The following GLYR1 variants were observed in gnomAD, a reference collection of about 807,000 sequenced individuals.
The protein encoded by GLYR1 is cytokine-like nuclear factor N-PAC.
Under a neutral mutation model 72.7 loss-of-function variants are expected in GLYR1, and 21 were observed. The observed-to-expected ratio is 0.29, with a 90% CI of 0.20 to 0.42. The LOEUF (loss-of-function observed/expected upper bound fraction) is 0.42. Among genes scored for constraint, GLYR1 ranks in the 10% least tolerant of loss-of-function variants. The pLI is 1.00. For synonymous variants in GLYR1, 392 were observed against 270.2 expected, an observed-to-expected ratio of 1.45 and a Z score of -4.42; for missense variants, 594 against 712.1, an observed-to-expected ratio of 0.83 and a Z score of 1.89.
At chr16:4,838,173 C>T (rs1333998810) in intron 3 of GLYR1, among the ~76,000 whole-genome samples, 3 of 152,090 alleles carry the variant, frequency 2.0e-5, no homozygotes, top group Non-Finnish European at 4.4e-5. Context: ...AAAAAACACA[C>T]ACAAATCAGG....
chr16:4,836,019 G>A (rs1299306806), intron 3 of GLYR1, among the ~76,000 whole-genome samples: 1 of 151,902 alleles, frequency 6.6e-6, no homozygotes, highest in Non-Finnish European at 1.5e-5. Flanking sequence ...GGTTGGTCTC[G>A]AACTCCTGAA....
At chr16:4,834,253 G>GTCTCCC (rs2084979592) in intron 3 of GLYR1, among the ~76,000 whole-genome samples, 1 of 151,282 alleles carries the variant, frequency 6.6e-6, no homozygotes. Flanking sequence ...ACAGAAGCTG[G>GTCTCCC]TCTCCCTGGC....
intron 12 of GLYR1, 39 bp from the exon 13 acceptor site, chr16:4,812,287 T>C: frequency 6.3e-7 from 1 of 1,591,328 alleles, no homozygotes; most frequent in East Asian, 2.2e-5. Context: ...GCCTCCCCTC[T>C]CCCAGCGCTC....
At chr16:4,846,134 C>G (rs754497969) in intron 2 of GLYR1, 40 bp downstream of exon 2, 1 of 1,611,062 alleles carries the variant, frequency 6.2e-7, no homozygotes, top group Non-Finnish European at 8.5e-7. Context: ...CCTCTTCAAA[C>G]CCAACTTCAG....
Position 4,810,598 on chromosome 16 carries a change from T to A in GLYR1, c.1587+572A>T, listed in dbSNP as rs559588363. Among the ~76,000 whole-genome samples the A allele has an allele frequency of 2.0e-5, 3 of 146,352 alleles. No homozygotes were observed. The East Asian group carries it at 6.0e-4, about 29-fold the overall frequency. ...AAGAAACTTGGCCAGGTGTAGTGGC[T>A]CACACCTGTAATCCCAGCACTTTGG... On this transcript the variant is annotated intron_variant, in intron 15 of 15. Transcript: ENST00000321919.
chr16:4,806,408 G>C (rs2082975242), intron 15 of GLYR1, among the ~76,000 whole-genome samples: 2 of 151,742 alleles, frequency 1.3e-5, no homozygotes, highest in Non-Finnish European at 2.9e-5. Context: ...CCAGGCTGGA[G>C]TGCAGTGGTA....
chr16:4,805,953 T>C (rs1002000583), intron 15 of GLYR1, among the ~76,000 whole-genome samples: 4 of 151,996 alleles, frequency 2.6e-5, no homozygotes, highest in South Asian at 2.1e-4. Context: ...TGCACTCCAG[T>C]CTGGGTGACA....
intron 3 of GLYR1, among the ~76,000 whole-genome samples, chr16:4,838,307 C>T (rs938816873): frequency 6.6e-6 from 1 of 152,168 alleles, no homozygotes; most frequent in African/African-American, 2.4e-5. Context: ...GAGACCGGTC[C>T]ACCTTAGATG....
intron 11 of GLYR1, among the ~76,000 whole-genome samples, chr16:4,814,231 G>T (rs2083488778): frequency 6.6e-6 from 1 of 152,168 alleles, no homozygotes; most frequent in Non-Finnish European, 1.5e-5. Flanking sequence ...ATAGAAGCTT[G>T]GCACCTGGAC....
At chr16:4,839,914 G>T (rs1241595388) in intron 3 of GLYR1, 2 of 152,076 alleles carry the variant, frequency 1.3e-5, no homozygotes, top group African/African-American at 4.8e-5. Flanking sequence ...GTATTTCTCA[G>T]GAACGGAGGA....
chr16:4,846,579 C>G (rs1596448225), intron 1 of GLYR1: 1 of 284,692 alleles, frequency 3.5e-6, no homozygotes. Context: ...CTAATGGAAG[C>G]CTTCCTCTGG....
intron 3 of GLYR1, among the ~76,000 whole-genome samples, chr16:4,841,702 C>G (rs1199242801): frequency 2.0e-5 from 3 of 152,106 alleles, no homozygotes; most frequent in African/African-American, 7.2e-5. Flanking sequence ...CAATGGCTTT[C>G]AGGCTCCTTA....
chr16:4,813,258 C>T (rs987498776), intron 12 of GLYR1, among the ~76,000 whole-genome samples: 11 of 152,174 alleles, frequency 7.2e-5, no homozygotes, highest in East Asian at 1.9e-4. Context: ...CCACCGCGCC[C>T]GGACTGGAAT....
intron 3 of GLYR1, among the ~76,000 whole-genome samples, chr16:4,835,660 G>A (rs188502830): frequency 4.9e-4 from 75 of 152,206 alleles, no homozygotes; most frequent in African/African-American, 1.6e-3. Context: ...GTGAAATCTC[G>A]TCTCTACTGA....
intron 7 of GLYR1, among the ~76,000 whole-genome samples, chr16:4,822,304 C>T (rs1191326690): frequency 1.3e-5 from 2 of 151,762 alleles, no homozygotes; most frequent in Non-Finnish European, 2.9e-5. Flanking sequence ...CCAGGCTGGT[C>T]TTGAACTCCT....
chr16:4,846,748 G>T, intron 1 of GLYR1: 1 of 222,862 alleles, frequency 4.5e-6, no homozygotes. Flanking sequence ...CCGTTTCTTC[G>T]CGGGGCAACG....
intron 10 of GLYR1, among the ~76,000 whole-genome samples, chr16:4,817,325 T>G (rs2083707673): frequency 6.6e-6 from 1 of 151,956 alleles, no homozygotes; most frequent in Non-Finnish European, 1.5e-5. Context: ...TTCACCGTGT[T>G]AGCCAGGATG....
intron 15 of GLYR1, among the ~76,000 whole-genome samples, chr16:4,809,881 G>A (rs1358668296): frequency 6.6e-6 from 1 of 151,768 alleles, no homozygotes; most frequent in East Asian, 1.9e-4. Flanking sequence ...CCGAGATCGC[G>A]ACACTGCACT....
rs534568859 is a variant in GLYR1, at chr16:4,805,101, C to G, written c.*135G>C. 1 of 737,584 alleles carries G rather than the reference C, an allele frequency of 1.4e-6. No homozygotes were observed. The highest frequency in any genetic ancestry group is 1.7e-5 in the African/African-American group (1 of 58,192). 45.7% of individuals were successfully genotyped at this position (737,584 alleles called of 1,614,324 possible). ...GTGCTGCTGTGTGCTGTGCTGATGG[C>G]AAGTCTCAAAGTCTGTATAAAAGGA... is the stretch of plus-strand genomic sequence containing the variant. On this transcript the variant is annotated 3_prime_UTR_variant, in exon 16 of 16. Transcript: ENST00000321919.
Sources: gnomAD v4.1 joint callset for allele counts (sites outside exome capture counted in the v4.1 genomes callset) on GRCh38, gnomAD v4.1.1 for gene constraint, MANE v1.5 for transcripts, NCBI Gene and HGNC (gene_info 2026-07-23, HGNC 2026-07-21) for gene names.